The following FYB1 variants were observed in gnomAD, a reference collection of about 807,000 sequenced individuals.
FYB1 encodes the protein FYN-binding protein 1.
FYB1 carries 41 observed loss-of-function variants against 94.1 expected under a neutral mutation model. That is an observed-to-expected ratio of 0.44 (90% CI 0.34 to 0.57). The LOEUF (loss-of-function observed/expected upper bound fraction) is 0.57, where lower values mean the gene tolerates loss of function less well. FYB1 is among the 20% of genes least tolerant of loss of function. FYB1 has a pLI of 0.02. For missense variants in FYB1, 1,050 were observed against 976.8 expected, an observed-to-expected ratio of 1.07 and a Z score of -1.00; for synonymous variants, 367 against 353.2, an observed-to-expected ratio of 1.04 and a Z score of -0.44.
chr5:39,195,494 T>C (rs912699675), intron 2 of FYB1, among the ~76,000 whole-genome samples: 13 of 152,332 alleles, frequency 8.5e-5, no homozygotes, highest in African/African-American at 3.1e-4. Context: ...CCCAGGCACC[T>C]TTTGGTTTCA....
Position 39,105,427 on chromosome 5 carries a change from T to C in FYB1, c.*2016A>G, listed in dbSNP as rs1760319327. The C allele has an allele frequency of 6.6e-6, 1 of 152,214 alleles. No individual in the cohort carries two copies. Among genetic ancestry groups the C allele is most frequent in the Non-Finnish European group, 1.5e-5 (1 of 68,044 alleles). 9.4% of individuals were successfully genotyped at this position (152,214 alleles called of 1,614,324 possible). A position where few individuals can be genotyped will look rare whatever the true frequency, so the allele number is the denominator to read the frequency against. On this transcript the variant is annotated 3_prime_UTR_variant, in exon 19 of 19. Transcript: ENST00000512982. Reference sequence around the variant, plus strand: ...CTAGGTATGTGTGTCTGTTTCTTGATGTGTAAACCAAAACTCTGAAATATT... The same window carrying C: ...CTAGGTATGTGTGTCTGTTTCTTGACGTGTAAACCAAAACTCTGAAATATT...
chr5:39,107,376 A>G lies in FYB1; in HGVS notation c.*67T>C, dbSNP rs1738626551. On this transcript the variant is annotated 3_prime_UTR_variant, in exon 19 of 19. Coordinates refer to ENST00000512982, the MANE Select transcript of FYB1 (RefSeq NM_001465.6). ...ATTAATTTTCTTGATACCCAATAACATGCCAATTAAAATCCAGACTTCACA... is the reference window on the plus strand; with the variant it reads ...ATTAATTTTCTTGATACCCAATAACGTGCCAATTAAAATCCAGACTTCACA... 1 of 1,161,726 alleles carries G rather than the reference A, an allele frequency of 8.6e-7. No homozygotes were observed. Among genetic ancestry groups the G allele is most frequent in the Non-Finnish European group, 1.2e-6 (1 of 834,604 alleles). The allele number at this position is 1,161,726 out of a possible 1,614,324, so 72.0% of individuals were successfully genotyped here.
intron 2 of FYB1, among the ~76,000 whole-genome samples, chr5:39,175,967 T>C (rs1460059798): frequency 2.6e-5 from 4 of 151,960 alleles, no homozygotes; most frequent in Non-Finnish European, 5.9e-5. Flanking sequence ...GAATCACTCA[T>C]TTTATAGCTG....
rs966573458 is a variant in FYB1 at position 39,205,303 on chromosome 5, C to A, written c.-27-2316G>T. Among the ~76,000 whole-genome samples, 6 of 152,264 alleles carry A rather than the reference C, an allele frequency of 3.9e-5. No individual in the cohort carries two copies. In the South Asian group the frequency reaches 6.2e-4, roughly 16 times the overall value. On this transcript the variant is annotated intron_variant, in intron 1 of 18. Coordinates refer to ENST00000512982, the MANE Select transcript of FYB1 (RefSeq NM_001465.6). ...GGTTTGAATCTTACTCGCTATGTAA[C>A]CTTGGACAAAAGGCATCAAAATTCT... is the stretch of plus-strand genomic sequence containing the variant.
intron 16 of FYB1, among the ~76,000 whole-genome samples, chr5:39,111,164 G>C (rs1378074325): frequency 2.6e-5 from 4 of 151,756 alleles, no homozygotes; most frequent in Non-Finnish European, 5.9e-5. Context: ...GGAAAAATAG[G>C]AACTATTTTT....
At chr5:39,257,125 T>A (rs772770468) in intron 1 of FYB1, among the ~76,000 whole-genome samples, 2 of 152,250 alleles carry the variant, frequency 1.3e-5, no homozygotes, top group Non-Finnish European at 2.9e-5. Flanking sequence ...GGGCTGAATT[T>A]ATTGTTGGCT....
At chr5:39,129,286 C>G (rs954230404) in intron 10 of FYB1, among the ~76,000 whole-genome samples, 3 of 151,880 alleles carry the variant, frequency 2.0e-5, no homozygotes, top group Admixed American at 2.0e-4. Context: ...GGCGCCATCT[C>G]TCACCATATA....
At chr5:39,152,039 T>C (rs186036079) in intron 3 of FYB1, among the ~76,000 whole-genome samples, 1 of 152,338 alleles carries the variant, frequency 6.6e-6, no homozygotes. Flanking sequence ...GTTGTGGAAT[T>C]TACTTGAGCT....
intron 2 of FYB1, among the ~76,000 whole-genome samples, chr5:39,195,748 C>T (rs947661036): frequency 4.6e-5 from 7 of 152,138 alleles, no homozygotes; most frequent in African/African-American, 1.7e-4. Flanking sequence ...ATCATACATG[C>T]AAACCAATAG....
intron 1 of FYB1, among the ~76,000 whole-genome samples, chr5:39,205,146 G>C (rs574454630): frequency 6.6e-6 from 1 of 152,250 alleles, no homozygotes; most frequent in African/African-American, 2.4e-5. Flanking sequence ...CCTAACTGAA[G>C]GAAGTCTGTC....
rs1740431992 is a variant in FYB1 at position 39,124,405 on chromosome 5, T to G, written c.2046-127A>C. 7.4e-6 allele frequency: 4 copies of G among 537,300 alleles called. No homozygotes were observed. The South Asian group carries it at 1.3e-4, about 18-fold the overall frequency. The allele number at this position is 537,300 out of a possible 1,614,324, so 33.3% of individuals were successfully genotyped here. Reference sequence around the variant, plus strand: ...ATTGGGTTACTTCATCTGTTGACCATCATTTCTTTCTCATCCTCCATTTCT... The same window carrying G: ...ATTGGGTTACTTCATCTGTTGACCAGCATTTCTTTCTCATCCTCCATTTCT... On this transcript the variant is annotated intron_variant, in intron 12 of 18. Coordinates refer to ENST00000512982, the MANE Select transcript of FYB1 (RefSeq NM_001465.6).
intron 1 of FYB1, among the ~76,000 whole-genome samples, chr5:39,254,257 TG>T (rs1447211313): frequency 6.6e-6 from 1 of 152,212 alleles, no homozygotes; most frequent in African/African-American, 2.4e-5. Context: ...TTTAGGTCTT[TG>T]AGGAATCGCC....
In FYB1 at chr5:39,202,793, C is replaced by G. The variant is rs747914417; in HGVS notation, c.168G>C (p.Lys56Asn). Residue 56 changes from lysine (K) to asparagine (N), a missense_variant, in exon 2 of 19, where the codon AAG (lysine) becomes AAC (asparagine). By Grantham distance (94) the Lys-to-Asn change is moderately conservative (BLOSUM62 0). Coordinates refer to ENST00000512982, the MANE Select transcript of FYB1 (RefSeq NM_001465.6). ...SPPAGPSNVP[K>N]FGSPKPPVAV... ...CCACAGGTGGCTTTGGGGACCCAAACTTAGGTACATTGCTGGGTCCTGCAG... is the reference window on the plus strand; with the variant it reads ...CCACAGGTGGCTTTGGGGACCCAAAGTTAGGTACATTGCTGGGTCCTGCAG... 1 of 1,613,926 alleles carries G rather than the reference C, an allele frequency of 6.2e-7. No homozygotes were observed. Among genetic ancestry groups the G allele is most frequent in the South Asian group, 1.1e-5 (1 of 91,072 alleles).
At chr5:39,258,303 G>A (rs780896710) in intron 1 of FYB1, among the ~76,000 whole-genome samples, 22 of 152,060 alleles carry the variant, frequency 1.4e-4, no homozygotes, top group Admixed American at 4.6e-4. Context: ...AAAGAGAAAC[G>A]AAAGATATGA....
At chr5:39,259,998 A>G (rs962721137) in intron 1 of FYB1, among the ~76,000 whole-genome samples, 4 of 152,200 alleles carry the variant, frequency 2.6e-5, no homozygotes, top group African/African-American at 9.7e-5. Context: ...ATACGAAAAA[A>G]AGTTGTGAAT....
intron 1 of FYB1, among the ~76,000 whole-genome samples, chr5:39,241,934 G>A (rs186917210): frequency 1.6e-4 from 24 of 152,002 alleles, no homozygotes; most frequent in Admixed American, 6.6e-4. Flanking sequence ...GAGCTGAAAA[G>A]GAAGTTTTAT....
intron 1 of FYB1, among the ~76,000 whole-genome samples, chr5:39,249,774 A>C (rs899274003): frequency 1.3e-5 from 2 of 152,214 alleles, no homozygotes; most frequent in Admixed American, 6.5e-5. Flanking sequence ...GTTACAGAAT[A>C]CAAGAGGAGG....
rs1395082321 is a variant in FYB1, at chr5:39,139,226, AT to A, written c.1359+6del. ...CAATATAATATGAGAAGAGAAAAAA[AT>A]CTGACCTCATCTAGATTTCCAGCAC... On this transcript the variant is annotated splice_donor_region_variant and intron_variant, in intron 5 of 18. Coordinates refer to ENST00000512982, the MANE Select transcript of FYB1 (RefSeq NM_001465.6). 6.8e-7 allele frequency: 1 copy of A among 1,464,268 alleles called. No individual in the cohort carries two copies. Among genetic ancestry groups the A allele is most frequent in the Non-Finnish European group, 9.2e-7 (1 of 1,083,416 alleles). The allele number at this position is 1,464,268 out of a possible 1,614,324, so 90.7% of individuals were successfully genotyped here.
At position 39,137,621 on chromosome 5, in the gene FYB1, T is replaced by A; in HGVS notation, c.1494A>T (p.Gln498His). Residue 498 changes from glutamine to histidine, a missense_variant, in exon 7 of 19, where the codon CAA (glutamine) becomes CAT (histidine). Transcript: ENST00000512982. ...TTACTTTAAATTTCTTCTTTATTTC[T>A]TGTTCTTTCTTTTCTTTCTCTTTCT... ...KEQKEKEKKE[Q>H]EIKKKFKLTG... is the part of the protein sequence containing the mutation. The A allele has an allele frequency of 6.5e-7, 1 of 1,540,324 alleles. No individual in the cohort carries two copies.
Sources: allele counts gnomAD v4.1 joint callset (sites outside exome capture counted in the v4.1 genomes callset), GRCh38; gene constraint gnomAD v4.1.1; transcripts MANE v1.5; gene names NCBI Gene and HGNC (gene_info 2026-07-23, HGNC 2026-07-21).